DLG3: variants seen among roughly 807,000 people sequenced by gnomAD.
DLG3 encodes disks large homolog 3.
DLG3 carries 1 observed loss-of-function variant against 64.1 expected under a neutral mutation model. The ratio of observed to expected loss-of-function variants is 0.02; its 90% CI spans 0.01 to 0.07. The LOEUF (loss-of-function observed/expected upper bound fraction) is 0.07, where lower values mean the gene tolerates loss of function less well. Ranked by LOEUF, DLG3 falls within the 10% of genes least tolerant of loss-of-function variation. DLG3 has a pLI of 1.00. For synonymous variants in DLG3, 245 were observed against 259.8 expected (o/e 0.94, Z 0.55); for missense variants, 429 against 669.5 (o/e 0.64, Z 3.96).
chrX:70,501,967 C>A (rs2087571683), intron 18 of DLG3, among the ~76,000 whole-genome samples, 196 bp from the exon 19 acceptor site: 1 of 110,648 alleles, frequency 9.0e-6, no homozygotes, highest in Non-Finnish European at 1.9e-5. Flanking sequence ...TTGTTGGTTG[C>A]CCTTACTGCC....
intron 13 of DLG3, among the ~76,000 whole-genome samples, chrX:70,497,906 C>T (rs1002684763): frequency 8.9e-6 from 1 of 111,953 alleles, no homozygotes; most frequent in Non-Finnish European, 1.9e-5. Context: ...AGTGGCTTGA[C>T]GACTGTTTTA....
At chrX:70,490,329 C>A (rs2087336163) in intron 10 of DLG3, among the ~76,000 whole-genome samples, 1 of 111,787 alleles carries the variant, frequency 8.9e-6, no homozygotes, top group Non-Finnish European at 1.9e-5. Flanking sequence ...TGATGCTCTT[C>A]TTAGTAGGAG....
intron 12 of DLG3, among the ~76,000 whole-genome samples, chrX:70,494,341 T>C (rs779961061): frequency 8.9e-6 from 1 of 112,599 alleles, no homozygotes; most frequent in Admixed American, 9.4e-5. Flanking sequence ...ATCTCTCATT[T>C]ACCAGTGACT....
chrX:70,475,198 C>A (rs929665457), intron 9 of DLG3, among the ~76,000 whole-genome samples: 15 of 110,359 alleles, frequency 1.4e-4, no homozygotes, highest in Non-Finnish European at 5.7e-5. Context: ...CAAAAAAAAA[C>A]CCACAAATAC....
intron 15 of DLG3, 117 bp from the exon 16 acceptor site, chrX:70,499,760 A>G (rs79608588): frequency 1.7e-6 from 1 of 589,957 alleles, no homozygotes; most frequent in South Asian, 3.1e-5. Context: ...CACTTACTTG[A>G]AAAAAAAAAT....
chrX:70,491,113 A>G (rs1218185183), intron 10 of DLG3, among the ~76,000 whole-genome samples: 1 of 110,985 alleles, frequency 9.0e-6, no homozygotes, highest in Non-Finnish European at 1.9e-5. Flanking sequence ...GGGTTTCACC[A>G]TATTGGCCAG....
In DLG3 at chrX:70,490,051, C is replaced by T. The variant is rs186160964; in HGVS notation, c.1521-2056C>T. ...CCAATTTTTGTATTTTTAGCAGAGA[C>T]GGGGTTTTGCCATGTTGGCCAGGCT... On this transcript the variant is annotated intron_variant, in intron 10 of 18. Transcript: ENST00000374360. Among the ~76,000 whole-genome samples, 313 of 110,201 alleles carry T rather than the reference C, an allele frequency of 2.8e-3. 3 individuals carry two copies. The highest frequency in any genetic ancestry group is 9.6e-3 in the African/African-American group (292 of 30,285).
intron 9 of DLG3, among the ~76,000 whole-genome samples, chrX:70,468,218 C>G (rs1257854968): frequency 1.8e-5 from 2 of 111,153 alleles, no homozygotes; most frequent in Non-Finnish European, 3.8e-5. Context: ...TACAGGTGCC[C>G]GCCACCATGC....
rs1192176280 is a variant in DLG3 at position 70,451,857 on chromosome X, T to C, written c.986-10T>C. The C allele has an allele frequency of 8.3e-7, 1 of 1,211,312 alleles. No individual in the cohort carries two copies. The highest frequency in any genetic ancestry group is 2.2e-5 in the Admixed American group (1 of 46,010). On this transcript the variant is annotated splice_polypyrimidine_tract_variant and intron_variant, in intron 6 of 18. Transcript: ENST00000374360. ...GTCTCTGAACTTTTCTCTCCCTTTC[T>C]TGATTCCAGCTTTTACTGCCTTGGC...
intron 7 of DLG3, chrX:70,452,314 G>A: frequency 1.9e-6 from 2 of 1,034,845 alleles, no homozygotes; most frequent in Non-Finnish European, 1.2e-6. Flanking sequence ...GGGGGCTGAG[G>A]AGGCGAGGGC....
At chrX:70,451,262 T>C (rs1057182382) in intron 6 of DLG3, among the ~76,000 whole-genome samples, 3 of 111,234 alleles carry the variant, frequency 2.7e-5, no homozygotes, top group African/African-American at 9.8e-5. Context: ...CCACCATGCC[T>C]GGCTAATTTT....
At chrX:70,482,155 G>C (rs1274105613) in intron 10 of DLG3, among the ~76,000 whole-genome samples, 1 of 112,392 alleles carries the variant, frequency 8.9e-6, no homozygotes, top group Non-Finnish European at 1.9e-5. Flanking sequence ...GATTAAAACT[G>C]TCTGAAAATG....
chrX:70,495,113 C>T (rs2087430445), intron 12 of DLG3, among the ~76,000 whole-genome samples: 1 of 111,627 alleles, frequency 9.0e-6, no homozygotes, highest in Middle Eastern at 4.6e-3. Context: ...CTAGTCTACT[C>T]CAAGGCCCTC....
intron 9 of DLG3, among the ~76,000 whole-genome samples, chrX:70,473,399 A>AC (rs1269490607): frequency 9.2e-6 from 1 of 108,172 alleles, no homozygotes; most frequent in Non-Finnish European, 1.9e-5. Context: ...GTTGAACTCC[A>AC]CCCCCTTCCC....
At chrX:70,460,893 A>G (rs1376256834) in intron 9 of DLG3, among the ~76,000 whole-genome samples, 1 of 112,359 alleles carries the variant, frequency 8.9e-6, no homozygotes, top group Non-Finnish European at 1.9e-5. Context: ...TCTGTGTTGT[A>G]CATGTATCAA....
chrX:70,460,282 C>CA (rs1221573255), intron 9 of DLG3, among the ~76,000 whole-genome samples: 1,220 of 37,899 alleles, frequency 0.032, 49 homozygotes, highest in East Asian at 0.24. Context: ...GACTCTGTCT[C>CA]AAAAAAAAAA....
At position 70,453,801 on chromosome X, in the gene DLG3, G is replaced by C; in HGVS notation, c.1302+8G>C. On this transcript the variant is annotated splice_region_variant and intron_variant, in intron 8 of 18. Coordinates refer to ENST00000374360, the MANE Select transcript of DLG3 (RefSeq NM_021120.4). The stretch of plus-strand genomic sequence containing the variant: ...GGAGACCGGATCTTATCGGTGAGGA[G>C]ACAAAGGAGAGGTGGGAGGATGGGA... 1 of 1,180,668 alleles carries C rather than the reference G, an allele frequency of 8.5e-7. No individual in the cohort carries two copies. Among genetic ancestry groups the C allele is most frequent in the Non-Finnish European group, 1.1e-6 (1 of 877,304 alleles).
chrX:70,464,688 G>A (rs1231228317), intron 9 of DLG3, among the ~76,000 whole-genome samples: 2 of 111,968 alleles, frequency 1.8e-5, no homozygotes, highest in Non-Finnish European at 3.8e-5. Context: ...GGGTGTGGTG[G>A]CTCATGCCTG....
At chrX:70,451,667 G>A (rs1057109577) in intron 6 of DLG3, among the ~76,000 whole-genome samples, 200 bp from the exon 7 acceptor site, 1 of 111,833 alleles carries the variant, frequency 8.9e-6, no homozygotes, top group African/African-American at 3.3e-5. Flanking sequence ...ACTCACAGGA[G>A]TGAGCCAAGG....
Sources: allele counts gnomAD v4.1 joint callset (sites outside exome capture counted in the v4.1 genomes callset), GRCh38; gene constraint gnomAD v4.1.1; transcripts MANE v1.5; gene names NCBI Gene and HGNC (gene_info 2026-07-23, HGNC 2026-07-21).